Variants in PTPN12 observed in about 807,000 individuals in gnomAD.
The protein encoded by PTPN12 is tyrosine-protein phosphatase non-receptor type 12.
A neutral mutation model predicts 97.6 loss-of-function variants in PTPN12; 29 were observed. The observed-to-expected ratio is 0.30, with a 90% CI of 0.22 to 0.41. The LOEUF (loss-of-function observed/expected upper bound fraction) is 0.41, where lower values mean the gene tolerates loss of function less well. PTPN12 is among the 10% of genes least tolerant of loss of function. The pLI, the probability that PTPN12 is intolerant of heterozygous loss-of-function variation, is 1.00. For synonymous variants in PTPN12, 327 were observed against 300.4 expected (o/e 1.09, Z -0.91); for missense variants, 819 against 926.0 (o/e 0.88, Z 1.50).
At chr7:77,548,670 A>G (rs1047197272) in intron 1 of PTPN12, among the ~76,000 whole-genome samples, 9 of 152,204 alleles carry the variant, frequency 5.9e-5, no homozygotes, top group Admixed American at 1.3e-4. Flanking sequence ...CCTAGAGTAG[A>G]GCATAAATAT....
At chr7:77,552,225 G>A (rs932249801) in intron 1 of PTPN12, among the ~76,000 whole-genome samples, 11 of 151,896 alleles carry the variant, frequency 7.2e-5, no homozygotes, top group Admixed American at 5.2e-4. Flanking sequence ...CAACAGATCC[G>A]CCTGCCTTAG....
At chr7:77,570,384 A>C (rs1215388986) in intron 1 of PTPN12, among the ~76,000 whole-genome samples, 2 of 152,248 alleles carry the variant, frequency 1.3e-5, no homozygotes, top group Non-Finnish European at 2.9e-5. Context: ...AGTTCCTTTG[A>C]AATTAAATTT....
chr7:77,539,609 TTTGG>T (rs375902180), intron 1 of PTPN12, among the ~76,000 whole-genome samples: 112 of 152,134 alleles, frequency 7.4e-4, no homozygotes, highest in South Asian at 8.3e-4. Context: ...GGTTTTGTTG[TTTGG>T]TTGGTTGGTT....
chr7:77,578,552 A>G (rs886098657), intron 2 of PTPN12, among the ~76,000 whole-genome samples: 3 of 152,222 alleles, frequency 2.0e-5, no homozygotes, highest in Non-Finnish European at 4.4e-5. Flanking sequence ...AAGTAAATTT[A>G]TCAATTAAAT....
At chr7:77,595,986 G>A (rs949143411) in intron 6 of PTPN12, among the ~76,000 whole-genome samples, 43 of 152,200 alleles carry the variant, frequency 2.8e-4, no homozygotes, top group African/African-American at 1.0e-3. Context: ...TCCTTCTTCA[G>A]TTGCTATCCA....
chr7:77,586,056 C>T (rs923255689), intron 5 of PTPN12, among the ~76,000 whole-genome samples: 12 of 152,198 alleles, frequency 7.9e-5, no homozygotes, highest in South Asian at 4.1e-4. Flanking sequence ...CAGGTTCAAG[C>T]GACTCTCCTG....
intron 8 of PTPN12, among the ~76,000 whole-genome samples, chr7:77,603,379 A>G (rs939056059): frequency 2.6e-4 from 39 of 152,364 alleles, no homozygotes; most frequent in African/African-American, 9.1e-4. Flanking sequence ...AAACACATCC[A>G]TAAAAGCAAG....
In PTPN12 at chr7:77,537,497, CG is replaced by C. The variant is rs1806708836; in HGVS notation, c.-47del. On this transcript the variant is annotated 5_prime_UTR_variant, in exon 1 of 18. Coordinates refer to ENST00000248594, the MANE Select transcript of PTPN12 (RefSeq NM_002835.4). ...AAGACGGAGCGGGCTCTGTGCCGGG[CG>C]GGCGGGCGGCGGGGGGGCCAGCGAC... 1 of 577,054 alleles carries C rather than the reference CG, an allele frequency of 1.7e-6. No homozygotes were observed. The highest frequency in any genetic ancestry group is 2.3e-6 in the Non-Finnish European group (1 of 439,622). 35.7% of individuals were successfully genotyped at this position (577,054 alleles called of 1,614,324 possible).
chr7:77,564,440 ATTTAT>A (rs1808139296), intron 1 of PTPN12, among the ~76,000 whole-genome samples: 1 of 152,040 alleles, frequency 6.6e-6, no homozygotes, highest in Non-Finnish European at 1.5e-5. Flanking sequence ...AGATGAATTT[ATTTAT>A]TTAACAATGG....
Position 77,537,423 on chromosome 7 carries a change from G to C in PTPN12, c.-124G>C. 7.4e-7 allele frequency: 1 copy of C among 1,354,210 alleles called. No individual in the cohort carries two copies. The highest frequency in any genetic ancestry group is 9.6e-7 in the Non-Finnish European group (1 of 1,041,774). The allele number at this position is 1,354,210 out of a possible 1,614,324, so 83.9% of individuals were successfully genotyped here. The stretch of plus-strand genomic sequence containing the variant: ...GGTGGGGAGGAGGAGGGAGCCGCGG[G>C]GCTTGGCGGGGTCGGGAGGGAGGGA... On this transcript the variant is annotated 5_prime_UTR_variant, in exon 1 of 18. Transcript: ENST00000248594.
intron 1 of PTPN12, among the ~76,000 whole-genome samples, chr7:77,541,565 A>G (rs939073522): frequency 2.6e-5 from 4 of 152,208 alleles, no homozygotes; most frequent in African/African-American, 9.6e-5. Context: ...ACGTATATAA[A>G]CATTTAATAC....
At chr7:77,629,714 G>A (rs150293060) in intron 13 of PTPN12, among the ~76,000 whole-genome samples, 3,618 of 152,142 alleles carry the variant, frequency 0.024, 151 homozygotes, top group African/African-American at 0.083. Context: ...GGCTGAGGCA[G>A]GAAGTTCACT....
chr7:77,598,000 G>A, intron 7 of PTPN12, 99 bp downstream of exon 7: 4 of 1,470,338 alleles, frequency 2.7e-6, no homozygotes, highest in Non-Finnish European at 3.6e-6. Context: ...GGCTGAAGTG[G>A]GAGGGTGACT....
intron 8 of PTPN12, among the ~76,000 whole-genome samples, chr7:77,604,679 A>G (rs1788303147): frequency 6.6e-6 from 1 of 152,108 alleles, no homozygotes; most frequent in African/African-American, 2.4e-5. Context: ...ATATTTGTAC[A>G]TAGAAAGTCT....
At chr7:77,559,688 T>G (rs1350197856) in intron 1 of PTPN12, among the ~76,000 whole-genome samples, 1 of 152,246 alleles carries the variant, frequency 6.6e-6, no homozygotes, top group Non-Finnish European at 1.5e-5. Flanking sequence ...TCATATTACA[T>G]AAACTTACTG....
In PTPN12 at chr7:77,560,221, G is replaced by C. The variant is rs534260095; in HGVS notation, c.100-10857G>C. Reference sequence around the variant, plus strand: ...TAACAGTTAATTCATGAATAGGTCAGAACTTTCTAATGTTGTATGAATATT... The same window carrying C: ...TAACAGTTAATTCATGAATAGGTCACAACTTTCTAATGTTGTATGAATATT... On this transcript the variant is annotated intron_variant, in intron 1 of 17. Transcript: ENST00000248594. Among the ~76,000 whole-genome samples, 6 of 152,302 alleles carry C rather than the reference G, an allele frequency of 3.9e-5. No homozygotes were observed. The South Asian group carries it at 1.0e-3, about 26-fold the overall frequency.
At chr7:77,582,084 CTTTTTTTTT>C (rs11341609) in intron 3 of PTPN12, among the ~76,000 whole-genome samples, 17 of 52,866 alleles carry the variant, frequency 3.2e-4, no homozygotes, top group Admixed American at 9.1e-4. Flanking sequence ...CAGTCAAGTT[CTTTTTTTTT>C]TTTTTTTTTT....
intron 12 of PTPN12, among the ~76,000 whole-genome samples, chr7:77,622,509 C>G (rs1207375463): frequency 6.6e-6 from 1 of 152,128 alleles, no homozygotes; most frequent in Non-Finnish European, 1.5e-5. Flanking sequence ...GTGGCTCATG[C>G]CTGTAATCCC....
chr7:77,553,773 C>T (rs1408924730), intron 1 of PTPN12, among the ~76,000 whole-genome samples: 1 of 151,962 alleles, frequency 6.6e-6, no homozygotes, highest in Admixed American at 6.6e-5. Flanking sequence ...CATTCACGTT[C>T]AGAGTGATTA....
Sources: gnomAD v4.1 joint callset for allele counts (sites outside exome capture counted in the v4.1 genomes callset) on GRCh38, gnomAD v4.1.1 for gene constraint, MANE v1.5 for transcripts, NCBI Gene and HGNC (gene_info 2026-07-23, HGNC 2026-07-21) for gene names.